The following MYOM1 variants were observed in gnomAD, a reference collection of about 807,000 sequenced individuals.
MYOM1 encodes the protein myomesin-1.
A neutral mutation model predicts 205.3 loss-of-function variants in MYOM1; 164 were observed. The observed-to-expected ratio is 0.80, with a 90% CI of 0.70 to 0.91. The LOEUF is 0.91. Ranked by LOEUF, MYOM1 falls within the 40% of genes least tolerant of loss-of-function variation. The pLI is 0.00. For missense variants in MYOM1, 2,011 were observed against 2,127.3 expected (o/e 0.95, Z 1.08); for synonymous variants, 772 against 789.4 (o/e 0.98, Z 0.37).
In MYOM1 at chr18:3,189,881, G is replaced by A. The variant is rs1273578945; in HGVS notation, c.432-794C>T. On this transcript the variant is annotated intron_variant, in intron 3 of 37. Transcript: ENST00000356443. The surrounding 1 kb of genome is among the most constrained non-coding windows in gnomAD (Gnocchi z 4.8). ...TGAGTAGGAGCTTGATCTGGGTTCTGTCACTTTGCTGATGTAATGCATTGC... is the reference window on the plus strand; with the variant it reads ...TGAGTAGGAGCTTGATCTGGGTTCTATCACTTTGCTGATGTAATGCATTGC... Among the ~76,000 whole-genome samples, 2 of 152,150 alleles carry A rather than the reference G, an allele frequency of 1.3e-5. No homozygotes were observed. Among genetic ancestry groups the A allele is most frequent in the Non-Finnish European group, 1.5e-5 (1 of 68,028 alleles).
chr18:3,231,342 C>T, the MYOM1 span, among the ~76,000 whole-genome samples: 4 of 152,118 alleles, frequency 2.6e-5, no homozygotes, highest in Non-Finnish European at 5.9e-5. Context: ...TTATGAGGGA[C>T]CGCAAACTAA....
chr18:3,192,501 A>T (rs1226915351), intron 3 of MYOM1, among the ~76,000 whole-genome samples: 1 of 152,276 alleles, frequency 6.6e-6, no homozygotes, highest in Non-Finnish European at 1.5e-5. Context: ...AGAAAAACAC[A>T]GGCAACAGAA....
intron 2 of MYOM1, among the ~76,000 whole-genome samples, chr18:3,212,163 C>T (rs2081198353): frequency 3.3e-5 from 5 of 152,196 alleles, no homozygotes; most frequent in Middle Eastern, 3.2e-3. Context: ...AACATATTGG[C>T]ATTTTCCCTC....
chr18:3,178,006 C>G (rs2080672852), intron 5 of MYOM1, among the ~76,000 whole-genome samples: 1 of 152,156 alleles, frequency 6.6e-6, no homozygotes, highest in Non-Finnish European at 1.5e-5. Context: ...TCTTCTGGGT[C>G]TGTACGTGGC....
intron 9 of MYOM1, among the ~76,000 whole-genome samples, chr18:3,165,301 T>C (rs542134979): frequency 6.6e-6 from 1 of 152,342 alleles, no homozygotes; most frequent in East Asian, 1.9e-4. Flanking sequence ...TTCATTTTAA[T>C]GCTTTGTCCA....
intron 13 of MYOM1, among the ~76,000 whole-genome samples, chr18:3,146,022 T>C (rs1159304955): frequency 6.6e-6 from 1 of 152,008 alleles, no homozygotes; most frequent in Non-Finnish European, 1.5e-5. Context: ...AGATGAAAAC[T>C]ATTAAATTTT....
At chr18:3,176,583 T>A (rs2080644230) in intron 5 of MYOM1, among the ~76,000 whole-genome samples, 1 of 152,188 alleles carries the variant, frequency 6.6e-6, no homozygotes, top group Non-Finnish European at 1.5e-5. Context: ...TACATGGGTG[T>A]GTGCAATCTA....
intron 9 of MYOM1, among the ~76,000 whole-genome samples, chr18:3,165,216 T>C (rs553810426): frequency 6.6e-6 from 1 of 152,352 alleles, no homozygotes; most frequent in South Asian, 2.1e-4. Flanking sequence ...ACAATTATTC[T>C]AAAAAGATTT....
chr18:3,175,573 G>A (rs2080626166), intron 6 of MYOM1, among the ~76,000 whole-genome samples: 1 of 152,154 alleles, frequency 6.6e-6, no homozygotes, highest in South Asian at 2.1e-4. Context: ...CTGGCAAGCT[G>A]AAGGAAAGAA....
rs2078911421 is a variant in MYOM1 at position 3,067,556 on chromosome 18, C to T, written c.4765-1G>A. On this transcript the variant is annotated splice_acceptor_variant, in intron 37 of 37. Coordinates refer to ENST00000356443, the MANE Select transcript of MYOM1 (RefSeq NM_003803.4). LOFTEE classifies it high-confidence loss of function. ...ACACGTTGCAAGTGAGATTAAGGGCCTGCAAGACAGGTTTTATGGGAGAGA... is the reference window on the plus strand; with the variant it reads ...ACACGTTGCAAGTGAGATTAAGGGCTTGCAAGACAGGTTTTATGGGAGAGA... The T allele has an allele frequency of 6.2e-7, 1 of 1,609,232 alleles. No individual in the cohort carries two copies. Among genetic ancestry groups the T allele is most frequent in the African/African-American group, 1.3e-5 (1 of 74,754 alleles).
rs2080232829 is a variant in MYOM1 at position 3,152,201 on chromosome 18, T to C, written c.1644-308A>G. ...GGGATAAGCAGATAAATATCTCCAA[T>C]CTTAGCATTGGAGAAGATCCCCAAA... On this transcript the variant is annotated intron_variant, in intron 11 of 37. Coordinates refer to ENST00000356443, the MANE Select transcript of MYOM1 (RefSeq NM_003803.4). The surrounding 1 kb of genome is among the most constrained non-coding windows in gnomAD (Gnocchi z 4.3). Among the ~76,000 whole-genome samples, 2 of 152,132 alleles carry C rather than the reference T, an allele frequency of 1.3e-5. No individual in the cohort carries two copies. The highest frequency in any genetic ancestry group is 2.9e-5 in the Non-Finnish European group (2 of 68,030).
upstream of MYOM1, among the ~76,000 whole-genome samples, chr18:3,222,999 C>T (rs1219100226): frequency 6.6e-6 from 1 of 152,154 alleles, no homozygotes; most frequent in East Asian, 1.9e-4. Flanking sequence ...TCTCCCACCT[C>T]AGCCTCCCGA....
intron 4 of MYOM1, 138 bp from the exon 5 acceptor site, chr18:3,187,775 A>G (rs1278180709): frequency 5.1e-5 from 35 of 683,588 alleles, no homozygotes; most frequent in Non-Finnish European, 7.7e-5. Context: ...GAGAAAATGC[A>G]CTCCCTTCTC....
the MYOM1 span, among the ~76,000 whole-genome samples, chr18:3,237,598 C>CAAAA: frequency 3.7e-5 from 2 of 53,614 alleles, no homozygotes; most frequent in Non-Finnish European, 3.4e-5. Flanking sequence ...GACTCCGTCT[C>CAAAA]AAAAAAAAAA....
intron 22 of MYOM1, among the ~76,000 whole-genome samples, chr18:3,108,300 A>T (rs1350006851): frequency 6.6e-6 from 1 of 152,200 alleles, no homozygotes. Context: ...GATTACACTA[A>T]CAAAGAAAAT....
At chr18:3,175,719 T>C (rs568106144) in intron 6 of MYOM1, among the ~76,000 whole-genome samples, 1 of 152,334 alleles carries the variant, frequency 6.6e-6, no homozygotes, top group East Asian at 1.9e-4. Context: ...AATGCCTCTT[T>C]ATGCAACATA....
chr18:3,167,269 C>A (rs567848505), intron 9 of MYOM1, among the ~76,000 whole-genome samples: 1 of 152,298 alleles, frequency 6.6e-6, no homozygotes. Context: ...TGATTTGGGG[C>A]AATCCCTTAT....
chr18:3,172,451 G>A (rs942640686), intron 8 of MYOM1, among the ~76,000 whole-genome samples: 2 of 152,106 alleles, frequency 1.3e-5, no homozygotes, highest in African/African-American at 4.8e-5. Context: ...GGATTGTGAC[G>A]TGATCAATAG....
Position 3,079,302 on chromosome 18 carries a change from C to A in MYOM1, c.4525G>T (p.Val1509Phe). 1 of 1,613,880 alleles carries A rather than the reference C, an allele frequency of 6.2e-7. No homozygotes were observed. Among genetic ancestry groups the A allele is most frequent in the Non-Finnish European group, 8.5e-7 (1 of 1,179,834 alleles). The change falls in exon 34 of 38, where the codon GTC becomes TTC. Residue 1509 changes from valine (V) to phenylalanine (F), a missense_variant. By Grantham distance (50) the Val-to-Phe change is conservative. Coordinates refer to ENST00000356443, the MANE Select transcript of MYOM1 (RefSeq NM_003803.4). ...IRYSDRVKTG[V>F]TGEQIWLQIN... ...TGTAGCCAGATCTGCTCTCCAGTGA[C>A]CCCGGTCTTAACTCTGTCTGAGTAC...
Sources: allele counts gnomAD v4.1 joint callset (sites outside exome capture counted in the v4.1 genomes callset), GRCh38; gene constraint gnomAD v4.1.1; non-coding constraint Gnocchi (gnomAD v3.1); transcripts MANE v1.5; gene names NCBI Gene and HGNC (gene_info 2026-07-23, HGNC 2026-07-21).